Variants in TMEM230 observed in about 807,000 individuals in gnomAD.
TMEM230 encodes the protein UPF0414 transmembrane protein C20orf30.
TMEM230 carries 10 observed loss-of-function variants against 15.8 expected under a neutral mutation model. That is an observed-to-expected ratio of 0.63 (90% CI 0.39 to 1.07). The LOEUF (loss-of-function observed/expected upper bound fraction) is 1.07, where lower values mean the gene tolerates loss of function less well. TMEM230 is among the 50% of genes least tolerant of loss of function. The pLI, the probability that TMEM230 is intolerant of heterozygous loss-of-function variation, is 0.01. For synonymous variants in TMEM230, 67 were observed against 76.9 expected (o/e 0.87, Z 0.68); for missense variants, 165 against 193.3 (o/e 0.85, Z 0.87).
chr20:5,082,780 T>C (rs1312983176), intron 3 of TMEM230, among the ~76,000 whole-genome samples: 1 of 152,216 alleles, frequency 6.6e-6, no homozygotes, highest in Non-Finnish European at 1.5e-5. Context: ...GCTATCTGTA[T>C]ATTGACATTC....
At chr20:5,065,970 G>A (rs1207371458), downstream of TMEM230, 8 of 152,592 alleles carry the variant, frequency 5.2e-5, no homozygotes, top group South Asian at 6.2e-4. Context: ...GAGGGGCTGC[G>A]GTGATGGCGA....
chr20:5,107,182 G>C (rs2090127833), intron 3 of TMEM230, among the ~76,000 whole-genome samples: 2 of 152,206 alleles, frequency 1.3e-5, no homozygotes, highest in Non-Finnish European at 2.9e-5. Flanking sequence ...TGTGCCTGCA[G>C]TCCCGGCTAC....
chr20:5,105,462 A>C (rs2090037386), intron 4 of TMEM230, among the ~76,000 whole-genome samples: 1 of 151,686 alleles, frequency 6.6e-6, no homozygotes. Flanking sequence ...GCGGTGGCGC[A>C]CGTCTGTAAT....
intron 4 of TMEM230, among the ~76,000 whole-genome samples, chr20:5,102,688 C>CAAAAA (rs58106156): frequency 2.4e-5 from 2 of 83,008 alleles, no homozygotes. Context: ...GACCCTGTCT[C>CAAAAA]AAAAAAAAAA....
chr20:5,099,232 AAATCAATCAATC>A (rs145559832), downstream of TMEM230, among the ~76,000 whole-genome samples: 27,377 of 78,898 alleles, frequency 0.35, 3,161 homozygotes, highest in East Asian at 0.63. Context: ...ATAAATAAAT[AAATCAATCAATC>A]AATAATAAAT....
chr20:5,086,471 G>T (rs146990177), intron 3 of TMEM230, among the ~76,000 whole-genome samples: 1 of 146,958 alleles, frequency 6.8e-6, no homozygotes, highest in Admixed American at 6.9e-5. Flanking sequence ...CCCGGGAGGC[G>T]CAGCTTGCAG....
intron 3 of TMEM230, among the ~76,000 whole-genome samples, chr20:5,077,935 A>T (rs1334419101): frequency 6.6e-6 from 1 of 152,186 alleles, no homozygotes; most frequent in Admixed American, 6.6e-5. Flanking sequence ...AGTGAGTATT[A>T]AGGAGAAAAA....
intron 4 of TMEM230, among the ~76,000 whole-genome samples, chr20:5,103,319 C>T (rs1281285757): frequency 6.6e-6 from 1 of 151,934 alleles, no homozygotes; most frequent in Non-Finnish European, 1.5e-5. Flanking sequence ...AAAAAATTAG[C>T]TAGGTATGGT....
chr20:5,076,064 G>C (rs902340851), intron 3 of TMEM230, among the ~76,000 whole-genome samples: 2 of 151,554 alleles, frequency 1.3e-5, no homozygotes, highest in Non-Finnish European at 2.9e-5. Flanking sequence ...AATTGAGATA[G>C]TGTCACTGCA....
intron 3 of TMEM230, among the ~76,000 whole-genome samples, chr20:5,090,950 T>C (rs1256316136): frequency 6.6e-6 from 1 of 152,192 alleles, no homozygotes; most frequent in African/African-American, 2.4e-5. Flanking sequence ...GGTTGTCTCT[T>C]GGAGAGAAAG....
intron 3 of TMEM230, among the ~76,000 whole-genome samples, chr20:5,084,187 G>A (rs1351424221): frequency 2.0e-5 from 3 of 151,838 alleles, no homozygotes; most frequent in Admixed American, 6.6e-5. Context: ...CAAAGAACAC[G>A]ATCTTATTCT....
At chr20:5,104,206 C>T (rs765037180) in intron 4 of TMEM230, among the ~76,000 whole-genome samples, 23 of 152,134 alleles carry the variant, frequency 1.5e-4, no homozygotes, top group Non-Finnish European at 2.9e-4. Context: ...AATGAGATAT[C>T]ATCTCATCCT....
chr20:5,098,812 GA>G (rs558386819), downstream of TMEM230, among the ~76,000 whole-genome samples: 378 of 152,072 alleles, frequency 2.5e-3, no homozygotes, highest in Non-Finnish European at 4.0e-3. Context: ...TTGGGGGGGG[GA>G]AATTATAGAA....
chr20:5,083,143 G>T (rs2089231928), intron 3 of TMEM230, among the ~76,000 whole-genome samples: 1 of 151,696 alleles, frequency 6.6e-6, no homozygotes, highest in Non-Finnish European at 1.5e-5. Flanking sequence ...GGCCATGCTG[G>T]TCTCGAACTC....
chr20:5,099,451 T>G (rs1444999155), downstream of TMEM230, among the ~76,000 whole-genome samples: 2 of 150,846 alleles, frequency 1.3e-5, no homozygotes, highest in East Asian at 3.9e-4. Flanking sequence ...GGTCACCCTC[T>G]CTTTGTCCCT....
intron 3 of TMEM230, among the ~76,000 whole-genome samples, chr20:5,083,488 T>A (rs970919097): frequency 5.9e-5 from 9 of 151,800 alleles, no homozygotes; most frequent in Non-Finnish European, 1.3e-4. Flanking sequence ...AAGAAGAGAG[T>A]CATATGATTT....
chr20:5,063,441 C>T (rs1309402759), downstream of TMEM230, among the ~76,000 whole-genome samples: 1 of 151,974 alleles, frequency 6.6e-6, no homozygotes, highest in Admixed American at 6.6e-5. Flanking sequence ...GGGTGCACCA[C>T]CGCACCTGGC....
chr20:5,103,631 A>G (rs1251418837), intron 4 of TMEM230, among the ~76,000 whole-genome samples: 2 of 92,282 alleles, frequency 2.2e-5, no homozygotes, highest in Non-Finnish European at 3.9e-5. Context: ...ATTCTGTCTC[A>G]AAAAAAAAAA....
chr20:5,060,208 A>G, the TMEM230 span, among the ~76,000 whole-genome samples: 3 of 152,162 alleles, frequency 2.0e-5, no homozygotes, highest in Non-Finnish European at 4.4e-5. Context: ...CACTGCACCC[A>G]GCCCTGTTAC....
Sources: allele counts gnomAD v4.1 joint callset (sites outside exome capture counted in the v4.1 genomes callset), GRCh38; gene constraint gnomAD v4.1.1; transcripts MANE v1.5; gene names NCBI Gene and HGNC (gene_info 2026-07-23, HGNC 2026-07-21).